The following IMMP2L variants were observed in gnomAD, a reference collection of about 807,000 sequenced individuals.
IMMP2L encodes mitochondrial inner membrane protease subunit 2.
Under a neutral mutation model 19.3 loss-of-function variants are expected in IMMP2L, and 18 were observed. That is an observed-to-expected ratio of 0.93 (90% CI 0.64 to 1.38). The LOEUF (loss-of-function observed/expected upper bound fraction) is 1.38, where lower values mean the gene tolerates loss of function less well. Ranked by LOEUF, IMMP2L falls within the 40% of genes most tolerant of loss-of-function variation. The pLI is 0.00. For synonymous variants in IMMP2L, 76 were observed against 73.0 expected, an observed-to-expected ratio of 1.04 and a Z score of -0.21; for missense variants, 233 against 218.2, an observed-to-expected ratio of 1.07 and a Z score of -0.43.
At chr7:111,069,978 C>T (rs1334706307) in intron 3 of IMMP2L, among the ~76,000 whole-genome samples, 1 of 151,962 alleles carries the variant, frequency 6.6e-6, no homozygotes, top group African/African-American at 2.4e-5. Flanking sequence ...TCCAGGGTGC[C>T]CTCCTTCAAA....
intron 5 of IMMP2L, among the ~76,000 whole-genome samples, chr7:110,716,365 T>G (rs1165853486): frequency 6.6e-6 from 1 of 152,122 alleles, no homozygotes; most frequent in Non-Finnish European, 1.5e-5. Context: ...TGCTTTGTAG[T>G]TGCTATTGTG....
intron 5 of IMMP2L, among the ~76,000 whole-genome samples, chr7:110,860,988 G>A (rs1304967458): frequency 1.1e-5 from 1 of 89,614 alleles, no homozygotes; most frequent in East Asian, 7.0e-4. Context: ...ATTATTTACT[G>A]ATTAAAAAAA....
chr7:111,383,988 G>A (rs972572208), intron 3 of IMMP2L, among the ~76,000 whole-genome samples: 1 of 151,970 alleles, frequency 6.6e-6, no homozygotes. Context: ...TTATTTAATT[G>A]TATCTCCCAG....
At chr7:111,076,391 T>A (rs994801365) in intron 3 of IMMP2L, among the ~76,000 whole-genome samples, 2 of 152,198 alleles carry the variant, frequency 1.3e-5, no homozygotes, top group Non-Finnish European at 2.9e-5. Flanking sequence ...GTTGGTAACA[T>A]TTTTGTGGAG....
intron 3 of IMMP2L, among the ~76,000 whole-genome samples, chr7:111,225,962 G>A (rs1053906104): frequency 6.6e-6 from 1 of 152,218 alleles, no homozygotes; most frequent in African/African-American, 2.4e-5. Flanking sequence ...TTAGGCAGTG[G>A]CTGGTAGGGA....
chr7:110,825,763 G>A (rs1017166150), intron 5 of IMMP2L, among the ~76,000 whole-genome samples: 2 of 152,148 alleles, frequency 1.3e-5, no homozygotes, highest in East Asian at 1.9e-4. Flanking sequence ...ATACCATTCA[G>A]GACATAGGCA....
chr7:110,909,926 C>CAGAGAGAGAGAGAGAG (rs139251144), intron 4 of IMMP2L, among the ~76,000 whole-genome samples: 2,342 of 145,746 alleles, frequency 0.016, 53 homozygotes, highest in African/African-American at 0.056. Flanking sequence ...GAGAGATAGA[C>CAGAGAGAGAGAGAGAG]AGAGAGAGAG....
At chr7:110,850,759 TGA>T (rs1339768346) in intron 5 of IMMP2L, among the ~76,000 whole-genome samples, 2 of 151,482 alleles carry the variant, frequency 1.3e-5, no homozygotes, top group African/African-American at 4.8e-5. Flanking sequence ...AAGAAAAGAC[TGA>T]TATATTTTTA....
At chr7:110,799,596 G>T (rs964332216) in intron 5 of IMMP2L, among the ~76,000 whole-genome samples, 18 of 151,802 alleles carry the variant, frequency 1.2e-4, no homozygotes, top group Non-Finnish European at 2.9e-5. Flanking sequence ...TTTAGTAAAG[G>T]GAAACATACT....
At chr7:111,200,718 C>T (rs1356149017) in intron 3 of IMMP2L, among the ~76,000 whole-genome samples, 2 of 151,844 alleles carry the variant, frequency 1.3e-5, no homozygotes, top group African/African-American at 2.4e-5. Context: ...AATAATGGGA[C>T]CACTGAGGAA....
chr7:111,341,273 A>G (rs959631052), intron 3 of IMMP2L, among the ~76,000 whole-genome samples: 1 of 152,082 alleles, frequency 6.6e-6, no homozygotes, highest in Non-Finnish European at 1.5e-5. Context: ...CAAGATATTA[A>G]ATCAATTTTA....
intron 5 of IMMP2L, among the ~76,000 whole-genome samples, chr7:110,782,500 A>G (rs1440449866): frequency 6.6e-6 from 1 of 151,920 alleles, no homozygotes; most frequent in Non-Finnish European, 1.5e-5. Flanking sequence ...AGGCACCTCT[A>G]TGAACCACAT....
chr7:110,670,803 A>C (rs544310383), intron 5 of IMMP2L, among the ~76,000 whole-genome samples: 12 of 152,136 alleles, frequency 7.9e-5, no homozygotes, highest in Non-Finnish European at 1.3e-4. Flanking sequence ...ACAAAGAAAT[A>C]TGTTGAGAGA....
At chr7:111,020,181 C>G (rs968123018) in intron 3 of IMMP2L, among the ~76,000 whole-genome samples, 1 of 150,886 alleles carries the variant, frequency 6.6e-6, no homozygotes, top group Admixed American at 6.6e-5. Flanking sequence ...GTCAGGAGTT[C>G]GAGACCAGCC....
At chr7:111,174,521 C>T (rs867326498) in intron 3 of IMMP2L, among the ~76,000 whole-genome samples, 1 of 151,708 alleles carries the variant, frequency 6.6e-6, no homozygotes, top group East Asian at 1.9e-4. Flanking sequence ...TTTCAAGGTT[C>T]AGAGTGGTTA....
At chr7:110,899,200 T>C (rs1394412808) in intron 4 of IMMP2L, among the ~76,000 whole-genome samples, 1 of 152,186 alleles carries the variant, frequency 6.6e-6, no homozygotes, top group Non-Finnish European at 1.5e-5. Context: ...TTTAATTATC[T>C]ACTAATAACA....
intron 5 of IMMP2L, among the ~76,000 whole-genome samples, chr7:110,751,353 T>C (rs1797706519): frequency 6.6e-6 from 1 of 151,998 alleles, no homozygotes; most frequent in Admixed American, 6.6e-5. Flanking sequence ...AATATTTGGC[T>C]AACCTCCTGT....
At chr7:111,079,365 C>T (rs1795693868) in intron 3 of IMMP2L, among the ~76,000 whole-genome samples, 1 of 152,096 alleles carries the variant, frequency 6.6e-6, no homozygotes, top group Non-Finnish European at 1.5e-5. Flanking sequence ...GATCCACCCA[C>T]CTCGGCCTCC....
intron 5 of IMMP2L, among the ~76,000 whole-genome samples, chr7:110,733,161 G>C (rs1796384034): frequency 6.6e-6 from 1 of 152,146 alleles, no homozygotes; most frequent in African/African-American, 2.4e-5. Context: ...ATTTAAACAA[G>C]ATACAAGTCA....
Sources: gnomAD v4.1 joint callset for allele counts (sites outside exome capture counted in the v4.1 genomes callset) on GRCh38, gnomAD v4.1.1 for gene constraint, MANE v1.5 for transcripts, NCBI Gene and HGNC (gene_info 2026-07-23, HGNC 2026-07-21) for gene names.